Variants in KIF26B observed in about 807,000 individuals in gnomAD.
KIF26B encodes the protein kinesin family member 26B, also known as kinesin-like protein KIF26B.
Under a neutral mutation model 151.2 loss-of-function variants are expected in KIF26B, and 63 were observed. The ratio of observed to expected loss-of-function variants is 0.42; its 90% confidence interval spans 0.34 to 0.51. The LOEUF is 0.51. Ranked by LOEUF, KIF26B falls within the 20% of genes least tolerant of loss-of-function variation. The pLI is 0.07. For synonymous variants in KIF26B, 1,357 were observed against 1,262.1 expected (o/e 1.08, Z -1.59); for missense variants, 2,813 against 2,913.6 (o/e 0.97, Z 0.79).
At chr1:245,190,952 G>A (rs1052738802) in intron 2 of KIF26B, among the ~76,000 whole-genome samples, 3 of 150,218 alleles carry the variant, frequency 2.0e-5, no homozygotes, top group Non-Finnish European at 3.0e-5. Context: ...CCAGCTACTC[G>A]GGAGGCTGAG....
At chr1:245,557,490 C>T (rs1662067906) in intron 5 of KIF26B, among the ~76,000 whole-genome samples, 1 of 152,160 alleles carries the variant, frequency 6.6e-6, no homozygotes, top group South Asian at 2.1e-4. Context: ...ATCATACTTC[C>T]TCAGAGGGTA....
Position 245,155,464 on chromosome 1 carries a change from T to A in KIF26B, c.40T>A (p.Ser14Thr). 1 of 1,612,186 alleles carries A rather than the reference T, an allele frequency of 6.2e-7. No individual in the cohort carries two copies. The highest frequency in any genetic ancestry group is 8.5e-7 in the Non-Finnish European group (1 of 1,179,092). The change falls in exon 1 of 15, where the codon TCC becomes ACC. Residue 14 changes from serine (S) to threonine (T), a missense_variant. Ser to Thr is a moderately conservative substitution (Grantham distance 58). Coordinates refer to ENST00000407071, the MANE Select transcript of KIF26B (RefSeq NM_018012.4). ...VAGNKERLAVSTRGKKYGVNE... is the reference protein window; with the variant it reads ...VAGNKERLAVTTRGKKYGVNE... ...TGGGAATAAAGAGAGGCTTGCGGTCTCCACCAGGGGCAAGAAATACGGGGT... is the reference window on the plus strand; with the variant it reads ...TGGGAATAAAGAGAGGCTTGCGGTCACCACCAGGGGCAAGAAATACGGGGT...
Position 245,560,009 on chromosome 1 carries a change from T to C in KIF26B, c.1350+19059T>C, listed in dbSNP as rs2042926971. Among the ~76,000 whole-genome samples, 2 of 152,116 alleles carry C rather than the reference T, an allele frequency of 1.3e-5. No individual in the cohort carries two copies. The highest frequency in any genetic ancestry group is 2.9e-5 in the Non-Finnish European group (2 of 68,024). The stretch of plus-strand genomic sequence containing the variant: ...CATCTGCTGTCGTCTCTGCCAGGGA[T>C]GCTCGTCTCTCATTCGTTTTTTTGG... On this transcript the variant is annotated intron_variant, in intron 5 of 14. Coordinates refer to ENST00000407071, the MANE Select transcript of KIF26B (RefSeq NM_018012.4). The surrounding 1 kb of genome is among the most constrained non-coding windows in gnomAD (Gnocchi z 4.3).
At chr1:245,453,973 C>A (rs986552893) in intron 4 of KIF26B, among the ~76,000 whole-genome samples, 46 of 152,282 alleles carry the variant, frequency 3.0e-4, no homozygotes, top group African/African-American at 1.1e-3. Flanking sequence ...GGCCACAAAC[C>A]CACCTAAGGA....
In KIF26B at chr1:245,354,981, C is replaced by T. The variant is rs187457815; in HGVS notation, c.466-11853C>T. Among the ~76,000 whole-genome samples the T allele has an allele frequency of 2.4e-4, 37 of 152,246 alleles. No homozygotes were observed. The East Asian group carries it at 2.9e-3, about 12-fold the overall frequency. On this transcript the variant is annotated intron_variant, in intron 2 of 14. Transcript: ENST00000407071. ...TGTCACCCAGGCTAGAGTGCACTGG[C>T]GCGATCTCGGCTCGCTGCAACCTAT...
intron 2 of KIF26B, among the ~76,000 whole-genome samples, chr1:245,295,081 G>T (rs926787997): frequency 6.6e-6 from 1 of 152,134 alleles, no homozygotes; most frequent in Non-Finnish European, 1.5e-5. Flanking sequence ...GAGAGTTAGG[G>T]CCCGTATAGT....
At position 245,156,551 on chromosome 1, in the gene KIF26B, G is replaced by T; in HGVS notation, c.333G>T (p.Pro111=). The part of the protein sequence containing the change: ...GGSPGFGTGS[P]GSGSGGGSSP... ...CTCCGGGCTTCGGCACAGGCTCCCC[G>T]GGCTCCGGCAGCGGCGGCGGCTCCT... Residue 111 remains proline (P), a synonymous_variant, in exon 2 of 15, where the codon CCG becomes CCT. Transcript: ENST00000407071. 1 of 1,535,468 alleles carries T rather than the reference G, an allele frequency of 6.5e-7. No homozygotes were observed. The highest frequency in any genetic ancestry group is 8.7e-7 in the Non-Finnish European group (1 of 1,147,206).
At chr1:245,436,690 C>T (rs1280216116) in intron 4 of KIF26B, among the ~76,000 whole-genome samples, 1 of 152,156 alleles carries the variant, frequency 6.6e-6, no homozygotes, top group African/African-American at 2.4e-5. Context: ...AATACCTTCA[C>T]AACAACATCT....
At chr1:245,444,245 C>T (rs1310106487) in intron 4 of KIF26B, among the ~76,000 whole-genome samples, 1 of 151,514 alleles carries the variant, frequency 6.6e-6, no homozygotes, top group African/African-American at 2.4e-5. Context: ...AGGATGGTTG[C>T]CGTGGGGAGG....
intron 2 of KIF26B, among the ~76,000 whole-genome samples, chr1:245,198,097 T>TAA (rs1299000989): frequency 6.6e-6 from 1 of 152,168 alleles, no homozygotes. Flanking sequence ...TTGCAGCAGA[T>TAA]ACTCGTTGAG....
At position 245,682,283 on chromosome 1, in the gene KIF26B, A is replaced by G. The variant is rs546635854; in HGVS notation, c.2259-1950A>G. On this transcript the variant is annotated intron_variant, in intron 10 of 14. Transcript: ENST00000407071. ...AGAAAAAAAAAGTCATCGAAATGACAGAAACCGTAATTACTTTTGCACCAA... is the reference window on the plus strand; with the variant it reads ...AGAAAAAAAAAGTCATCGAAATGACGGAAACCGTAATTACTTTTGCACCAA... Among the ~76,000 whole-genome samples the G allele has an allele frequency of 1.3e-4, 20 of 152,370 alleles. No homozygotes were observed. The South Asian group carries it at 4.1e-3, about 32-fold the overall frequency.
rs41267525 is a variant in KIF26B, at chr1:245,702,991, A to C, written c.*385A>C. ...TTGCTGTGGAAAGCGAACACAAAAC[A>C]ACCCAGAATGACTGATTAAGTGCCT... is the stretch of plus-strand genomic sequence containing the variant. On this transcript the variant is annotated 3_prime_UTR_variant, in exon 15 of 15. Coordinates refer to ENST00000407071, the MANE Select transcript of KIF26B (RefSeq NM_018012.4). The surrounding 1 kb of genome is among the most constrained non-coding windows in gnomAD (Gnocchi z 4.1). 5,532 of 194,146 alleles carry C rather than the reference A, an allele frequency of 0.028. 164 individuals carry two copies. The highest frequency in any genetic ancestry group is 0.078 in the African/African-American group (3,376 of 43,338). The allele number at this position is 194,146 out of a possible 1,614,324, so 12.0% of individuals were successfully genotyped here.
intron 2 of KIF26B, among the ~76,000 whole-genome samples, chr1:245,253,424 G>C (rs573596679): frequency 6.6e-6 from 1 of 152,044 alleles, no homozygotes; most frequent in East Asian, 1.9e-4. Context: ...ATATATTGCT[G>C]GATTTGACTT....
intron 2 of KIF26B, among the ~76,000 whole-genome samples, chr1:245,331,766 C>T (rs183463290): frequency 2.6e-5 from 4 of 152,248 alleles, no homozygotes; most frequent in Admixed American, 6.5e-5. Context: ...AATGTGATAG[C>T]GTACACTTCT....
intron 2 of KIF26B, among the ~76,000 whole-genome samples, chr1:245,252,333 T>C (rs1670460042): frequency 6.6e-6 from 1 of 151,486 alleles, no homozygotes; most frequent in Non-Finnish European, 1.5e-5. Flanking sequence ...GAACATATTA[T>C]ATAGCTCTTC....
intron 2 of KIF26B, among the ~76,000 whole-genome samples, chr1:245,223,214 C>G (rs1346397924): frequency 6.6e-6 from 1 of 152,190 alleles, no homozygotes; most frequent in East Asian, 1.9e-4. Flanking sequence ...AGTGCTGAAG[C>G]TGAGAACCCC....
intron 3 of KIF26B, among the ~76,000 whole-genome samples, chr1:245,390,956 CCAT>C (rs1258774102): frequency 4.0e-5 from 3 of 74,324 alleles, no homozygotes; most frequent in South Asian, 4.2e-4. Context: ...AAAAAAACCA[CCAT>C]AAAATTTTGA....
intron 5 of KIF26B, among the ~76,000 whole-genome samples, chr1:245,581,477 T>C (rs1024054720): frequency 6.6e-6 from 1 of 152,214 alleles, no homozygotes; most frequent in Non-Finnish European, 1.5e-5. Flanking sequence ...CGTGTGTTTG[T>C]TTCAAAGAAT....
chr1:245,517,548 A>AT (rs1367384808), intron 4 of KIF26B, among the ~76,000 whole-genome samples: 2 of 152,178 alleles, frequency 1.3e-5, no homozygotes, highest in Non-Finnish European at 2.9e-5. Flanking sequence ...GGAAGCAGAT[A>AT]TTTGCCACAC....
Sources: allele counts gnomAD v4.1 joint callset (sites outside exome capture counted in the v4.1 genomes callset), GRCh38; gene constraint gnomAD v4.1.1; non-coding constraint Gnocchi (gnomAD v3.1); transcripts MANE v1.5; gene names NCBI Gene and HGNC (gene_info 2026-07-23, HGNC 2026-07-21).